Variants in NRG2 observed in about 807,000 individuals in gnomAD.
NRG2 encodes pro-neuregulin-2, membrane-bound isoform.
In NRG2, 27 loss-of-function variants were observed where a neutral mutation model predicts 73.9. The observed-to-expected ratio is 0.37, with a 90% CI of 0.27 to 0.50. The LOEUF is 0.50. Among genes scored for constraint, NRG2 ranks in the 20% least tolerant of loss-of-function variants. The pLI is 0.96. For missense variants in NRG2, 1,126 were observed against 1,210.1 expected (o/e 0.93, Z 1.03); for synonymous variants, 532 against 541.0 (o/e 0.98, Z 0.23).
At chr5:139,888,937 C>A (rs1178735091) in intron 1 of NRG2, among the ~76,000 whole-genome samples, 1 of 152,120 alleles carries the variant, frequency 6.6e-6, no homozygotes, top group Non-Finnish European at 1.5e-5. Context: ...TAATAGCTAA[C>A]CTTTGTTAAA....
In NRG2 at chr5:140,042,467, C is replaced by A. The variant is rs535125196; in HGVS notation, c.603G>T (p.Thr201=). 1.2e-6 allele frequency: 2 copies of A among 1,613,360 alleles called. No homozygotes were observed. Among genetic ancestry groups the A allele is most frequent in the Non-Finnish European group, 1.7e-6 (2 of 1,179,776 alleles). ...NQRYIFFLEP[T]EQPLVFKTAF... is the part of the protein sequence containing the mutation. ...CCGTCTTAAAGACTAAGGGCTGTTCCGTGGGCTCCAGGAAAAAGATGTAGC... is the reference window on the plus strand; with the variant it reads ...CCGTCTTAAAGACTAAGGGCTGTTCAGTGGGCTCCAGGAAAAAGATGTAGC... The change falls in exon 1 of 10, where the codon ACG becomes ACT. Residue 201 remains threonine, a synonymous_variant. Coordinates refer to ENST00000361474, the MANE Select transcript of NRG2 (RefSeq NM_004883.3).
At chr5:139,859,735 A>G (rs533847384) in intron 5 of NRG2, among the ~76,000 whole-genome samples, 2 of 152,310 alleles carry the variant, frequency 1.3e-5, no homozygotes, top group African/African-American at 4.8e-5. Flanking sequence ...AACGTAGTTT[A>G]TGATAGGACA....
intron 1 of NRG2, among the ~76,000 whole-genome samples, chr5:140,029,496 C>T (rs999681023): frequency 2.6e-5 from 4 of 151,960 alleles, no homozygotes; most frequent in Non-Finnish European, 5.9e-5. Context: ...AGTTGGGAAA[C>T]CTGAGGCACA....
chr5:139,901,700 G>A (rs777961633), intron 1 of NRG2, among the ~76,000 whole-genome samples: 13 of 152,206 alleles, frequency 8.5e-5, no homozygotes, highest in African/African-American at 3.1e-4. Context: ...GGACACTCTG[G>A]TGAAGACCAA....
chr5:139,881,490 G>A (rs552160566), intron 2 of NRG2, among the ~76,000 whole-genome samples: 2 of 152,282 alleles, frequency 1.3e-5, no homozygotes, highest in Admixed American at 1.3e-4. Context: ...CAAAATCAGC[G>A]CTGCCACTAA....
chr5:140,024,479 T>C (rs1180388013), intron 1 of NRG2, among the ~76,000 whole-genome samples: 1 of 152,114 alleles, frequency 6.6e-6, no homozygotes. Context: ...ATGGTCTCGA[T>C]CTCCTGACCT....
rs1762641540 is a variant in NRG2 at position 139,868,585 on chromosome 5, G to C, written c.1113-2960C>G. Among the ~76,000 whole-genome samples, 1 of 152,048 alleles carries C rather than the reference G, an allele frequency of 6.6e-6. No homozygotes were observed. Among genetic ancestry groups the C allele is most frequent in the Admixed American group, 6.5e-5 (1 of 15,276 alleles). On this transcript the variant is annotated intron_variant, in intron 4 of 9. Transcript: ENST00000361474. This position sits in a 1 kb window ranked among gnomAD's most constrained non-coding sequence, Gnocchi z 4.2. The stretch of plus-strand genomic sequence containing the variant: ...CAGGGTGAGAGAGGGGCAGAGAGGA[G>C]AGCCCACGGGCTGCATCTGGGGTGA...
chr5:139,910,073 A>G (rs980317122), intron 1 of NRG2, among the ~76,000 whole-genome samples: 5 of 152,204 alleles, frequency 3.3e-5, no homozygotes, highest in African/African-American at 1.2e-4. Context: ...TGGATACTGG[A>G]ACACTTTTGT....
At position 139,954,194 on chromosome 5, in the gene NRG2, G is replaced by C. The variant is rs1163867235; in HGVS notation, c.701-66683C>G. On this transcript the variant is annotated intron_variant, in intron 1 of 9. Coordinates refer to ENST00000361474, the MANE Select transcript of NRG2 (RefSeq NM_004883.3). The surrounding 1 kb of genome is among the most constrained non-coding windows in gnomAD (Gnocchi z 5.0). ...AGACAACTGCTTCTCATTAGCAAAAGTGACCGTGGAGGAGAAATCCAGCCC... is the reference window on the plus strand; with the variant it reads ...AGACAACTGCTTCTCATTAGCAAAACTGACCGTGGAGGAGAAATCCAGCCC... 6.6e-6 allele frequency among the ~76,000 whole-genome samples: 1 copy of C among 152,144 alleles called. No homozygotes were observed. The highest frequency in any genetic ancestry group is 1.5e-5 in the Non-Finnish European group (1 of 68,028).
rs549837873 is a variant in NRG2 at position 139,990,024 on chromosome 5, G to C, written c.700+52346C>G. 5.1e-3 allele frequency among the ~76,000 whole-genome samples: 779 copies of C among 151,454 alleles called. 5 individuals carry two copies. The highest frequency in any genetic ancestry group is 8.0e-3 in the Non-Finnish European group (541 of 67,814). ...AGGATGGTCTTGATCTCCTGACCTT[G>C]TGATCCGCCCACCTCGGCCTCCCAA... On this transcript the variant is annotated intron_variant, in intron 1 of 9. Coordinates refer to ENST00000361474, the MANE Select transcript of NRG2 (RefSeq NM_004883.3).
intron 1 of NRG2, among the ~76,000 whole-genome samples, chr5:139,957,683 G>A (rs1754739396): frequency 1.3e-5 from 2 of 152,346 alleles, no homozygotes; most frequent in East Asian, 1.9e-4. Context: ...AAGAGCTGCA[G>A]GTGGTGACGT....
chr5:139,862,212 A>G (rs1762190908), intron 5 of NRG2, among the ~76,000 whole-genome samples: 1 of 152,200 alleles, frequency 6.6e-6, no homozygotes, highest in African/African-American at 2.4e-5. Flanking sequence ...TGGGAACCGA[A>G]TAGTAGCAGC....
rs563351645 is a variant in NRG2 at position 139,904,346 on chromosome 5, C to T, written c.701-16835G>A. On this transcript the variant is annotated intron_variant, in intron 1 of 9. Coordinates refer to ENST00000361474, the MANE Select transcript of NRG2 (RefSeq NM_004883.3). This position sits in a 1 kb window ranked among gnomAD's most constrained non-coding sequence, Gnocchi z 6.0. ...TCGGGCTCCCTCTCCCGCTTCCTCC[C>T]CTCTGGGTGCTTCTTGCCGCGGCCG... 4.4e-6 allele frequency: 7 copies of T among 1,593,414 alleles called. No individual in the cohort carries two copies. The East Asian group carries it at 1.1e-4, about 26-fold the overall frequency.
intron 1 of NRG2, among the ~76,000 whole-genome samples, chr5:139,952,429 G>T (rs1754279604): frequency 6.6e-6 from 1 of 152,218 alleles, no homozygotes; most frequent in East Asian, 1.9e-4. Context: ...GGCGGCCTCA[G>T]CCTGAGACAG....
intron 1 of NRG2, among the ~76,000 whole-genome samples, chr5:139,888,351 C>G (rs142440034): frequency 4.9e-4 from 75 of 152,312 alleles, no homozygotes; most frequent in African/African-American, 1.7e-3. Context: ...TTGCCTGAAG[C>G]CACATAGCCA....
intron 2 of NRG2, among the ~76,000 whole-genome samples, chr5:139,885,626 C>G (rs1763812030): frequency 6.6e-6 from 1 of 151,950 alleles, no homozygotes; most frequent in Non-Finnish European, 1.5e-5. Flanking sequence ...GAAAAAAAGT[C>G]ACGGGCGTGG....
At chr5:140,036,715 C>G (rs1455805813) in intron 1 of NRG2, among the ~76,000 whole-genome samples, 1 of 152,136 alleles carries the variant, frequency 6.6e-6, no homozygotes, top group Non-Finnish European at 1.5e-5. Flanking sequence ...ACCATATACA[C>G]CCATCCATCC....
At chr5:139,991,739 G>A (rs1026555553) in intron 1 of NRG2, among the ~76,000 whole-genome samples, 2 of 152,146 alleles carry the variant, frequency 1.3e-5, no homozygotes, top group African/African-American at 4.8e-5. Flanking sequence ...TTTTTGTATA[G>A]GGTATGAGCA....
At chr5:139,874,635 G>A (rs1763059734) in intron 3 of NRG2, among the ~76,000 whole-genome samples, 2 of 152,024 alleles carry the variant, frequency 1.3e-5, no homozygotes, top group Non-Finnish European at 2.9e-5. Context: ...CCTTTACTTT[G>A]CAGCAGCCAC....
Sources: allele counts gnomAD v4.1 joint callset (sites outside exome capture counted in the v4.1 genomes callset), GRCh38; gene constraint gnomAD v4.1.1; non-coding constraint Gnocchi (gnomAD v3.1); transcripts MANE v1.5; gene names NCBI Gene and HGNC (gene_info 2026-07-23, HGNC 2026-07-21).